SYTL2: variants seen among roughly 807,000 people sequenced by gnomAD.
SYTL2 encodes synaptotagmin like 2, also known as synaptotagmin-like protein 2.
Under a neutral mutation model 198.7 loss-of-function variants are expected in SYTL2, and 165 were observed. The observed-to-expected ratio is 0.83, with a 90% CI of 0.73 to 0.94. The LOEUF is 0.94. Ranked by LOEUF, SYTL2 falls within the 40% of genes least tolerant of loss-of-function variation. The pLI is 0.00. For synonymous variants in SYTL2, 966 were observed against 917.7 expected (o/e 1.05, Z -0.95); for missense variants, 2,835 against 2,582.8 (o/e 1.10, Z -2.12).
intron 1 of SYTL2, among the ~76,000 whole-genome samples, chr11:85,759,265 G>GA (rs59056936): frequency 1.4e-5 from 2 of 147,106 alleles, no homozygotes; most frequent in Non-Finnish European, 3.0e-5. Flanking sequence ...AAAAAAGAAA[G>GA]AAAAAAAAAT....
chr11:85,788,888 C>G (rs1363518009), intron 1 of SYTL2, among the ~76,000 whole-genome samples: 3 of 151,534 alleles, frequency 2.0e-5, no homozygotes, highest in Non-Finnish European at 4.4e-5. Flanking sequence ...GGTTGCTTTA[C>G]TTCTATCATA....
chr11:85,734,499 T>C lies in SYTL2; in HGVS notation c.830A>G (p.Asn277Ser), dbSNP rs374934907. 8 of 1,614,040 alleles carry C rather than the reference T, an allele frequency of 5.0e-6. No individual in the cohort carries two copies. The East Asian group carries it at 8.9e-5, about 18-fold the overall frequency. ...RGAPRGILKRNSSSSSTDSET... is the reference protein window; with the variant it reads ...RGAPRGILKRSSSSSSTDSET... ...TGAGTCTGTGCTACTGGAACTGGAGTTGCGCTTGAGGATCCCTCTCGGAGC... is the reference window on the plus strand; with the variant it reads ...TGAGTCTGTGCTACTGGAACTGGAGCTGCGCTTGAGGATCCCTCTCGGAGC... The change falls in exon 7 of 20, where the codon AAC becomes AGC. Residue 277 changes from asparagine (N) to serine (S), a missense_variant. Physicochemically the swap from Asn to Ser is conservative, Grantham distance 46 (BLOSUM62 1). Transcript: ENST00000359152.
intron 1 of SYTL2, among the ~76,000 whole-genome samples, chr11:85,802,365 G>A (rs570746441): frequency 1.8e-4 from 28 of 151,450 alleles, no homozygotes; most frequent in African/African-American, 6.3e-4. Flanking sequence ...GGAATTACAG[G>A]TGCCCACCAC....
chr11:85,696,619 C>T (rs1490393039), intron 18 of SYTL2: 1 of 530,794 alleles, frequency 1.9e-6, no homozygotes, highest in Non-Finnish European at 3.4e-6. Context: ...TCTGCTACCT[C>T]CTGGGTATGC....
At chr11:85,762,104 C>T (rs1374130327) in intron 1 of SYTL2, among the ~76,000 whole-genome samples, 1 of 152,170 alleles carries the variant, frequency 6.6e-6, no homozygotes, top group Non-Finnish European at 1.5e-5. Context: ...TTTAATTCTT[C>T]TCTTCACACA....
chr11:85,788,913 C>T (rs1180343125), intron 1 of SYTL2, among the ~76,000 whole-genome samples: 2 of 151,592 alleles, frequency 1.3e-5, no homozygotes, highest in Non-Finnish European at 2.9e-5. Context: ...TCTTGTGTGG[C>T]ACACAGCACA....
chr11:85,805,533 C>T (rs191624384), intron 1 of SYTL2, among the ~76,000 whole-genome samples: 1 of 152,228 alleles, frequency 6.6e-6, no homozygotes, highest in East Asian at 1.9e-4. Context: ...TGCCTGGGAT[C>T]CAGCTAATGC....
In SYTL2 at chr11:85,727,145, C is replaced by A. The variant is rs199940366; in HGVS notation, c.2213G>T (p.Gly738Val). 3 of 1,536,296 alleles carry A rather than the reference C, an allele frequency of 2.0e-6. No homozygotes were observed. The African/African-American group carries it at 4.1e-5, about 21-fold the overall frequency. Reference sequence around the variant, plus strand: ...GGAGGCTTTCAGGATATAGGTATTTCCTACTTTGCTCTTTCTCTCTGCATT... The same window carrying A: ...GGAGGCTTTCAGGATATAGGTATTTACTACTTTGCTCTTTCTCTCTGCATT... Reference protein sequence around the residue: ...NMNAERKSKVGNTYILKASLE... With the variant: ...NMNAERKSKVVNTYILKASLE... The change falls in exon 8 of 20, where the codon GGA (glycine) becomes GTA (valine). Residue 738 changes from glycine (G) to valine (V), a missense_variant. Transcript: ENST00000359152.
rs2089326093 is a variant in SYTL2, at chr11:85,727,441, G to A, written c.1917C>T (p.Thr639=). The A allele has an allele frequency of 5.2e-6, 8 of 1,536,048 alleles. No individual in the cohort carries two copies. The highest frequency in any genetic ancestry group is 5.2e-6 in the Non-Finnish European group (6 of 1,146,884). ...GILQPFESYG[T]PSQGSKNMDY... ...CCATATTTTTACTCCCTTGACTTGG[G>A]GTGCCATAGCTTTCAAATGGTTGCA... Residue 639 remains threonine (T), a synonymous_variant, in exon 8 of 20, where the codon ACC becomes ACT. Transcript: ENST00000359152.
At chr11:85,719,001 A>G (rs886338361) in intron 9 of SYTL2, 158 bp from the exon 10 acceptor site, 5 of 1,529,998 alleles carry the variant, frequency 3.3e-6, no homozygotes, top group Admixed American at 3.9e-5. Flanking sequence ...TTCTCTTTAG[A>G]TTAGCTCCTT....
intron 1 of SYTL2, among the ~76,000 whole-genome samples, chr11:85,764,011 C>T (rs2153565059): frequency 6.6e-6 from 1 of 152,336 alleles, no homozygotes; most frequent in Middle Eastern, 3.4e-3. Flanking sequence ...GATCACACTG[C>T]CAGGGCATCC....
the SYTL2 span, among the ~76,000 whole-genome samples, chr11:85,841,086 T>C: frequency 6.6e-6 from 1 of 151,942 alleles, no homozygotes; most frequent in African/African-American, 2.4e-5. Context: ...GAAAAAAAGC[T>C]CAACATCACT....
intron 4 of SYTL2, among the ~76,000 whole-genome samples, chr11:85,740,456 T>C (rs2090699416): frequency 6.6e-6 from 1 of 152,226 alleles, no homozygotes; most frequent in South Asian, 2.1e-4. Context: ...TACTTTGGAT[T>C]AGGAATTTCC....
At chr11:85,754,044 GA>G (rs1342958713) in intron 2 of SYTL2, among the ~76,000 whole-genome samples, 1 of 152,142 alleles carries the variant, frequency 6.6e-6, no homozygotes, top group Non-Finnish European at 1.5e-5. Context: ...GTATTTAAAA[GA>G]AAAGTCTGAA....
the SYTL2 span, among the ~76,000 whole-genome samples, chr11:85,822,736 A>G: frequency 6.6e-6 from 1 of 152,248 alleles, no homozygotes; most frequent in Non-Finnish European, 1.5e-5. Context: ...GGACAAAGGC[A>G]AGAAGAGGAA....
the SYTL2 span, among the ~76,000 whole-genome samples, chr11:85,827,001 T>C: frequency 6.6e-6 from 1 of 152,188 alleles, no homozygotes; most frequent in African/African-American, 2.4e-5. Flanking sequence ...CCTTAGGAGA[T>C]AATAAGCCGA....
rs1449721019 is a variant in SYTL2, at chr11:85,737,562, G to A, written c.471+13C>T. On this transcript the variant is annotated intron_variant, in intron 5 of 19. Coordinates refer to ENST00000359152, the MANE Select transcript of SYTL2 (RefSeq NM_206927.4). ...AACAAATACAAGATTTTCAAAATCT[G>A]GGCTCAGTCTACCTTCTCTGGAGAC... 2.5e-6 allele frequency: 4 copies of A among 1,602,294 alleles called. No individual in the cohort carries two copies. In the African/African-American group the frequency reaches 5.4e-5, roughly 21 times the overall value.
At chr11:85,741,153 T>C (rs1237188471) in intron 4 of SYTL2, among the ~76,000 whole-genome samples, 1 of 152,108 alleles carries the variant, frequency 6.6e-6, no homozygotes, top group Non-Finnish European at 1.5e-5. Flanking sequence ...GTTGTTTTGA[T>C]CTCTCCCTTT....
rs1290588441 is a variant in SYTL2, at chr11:85,725,813, T to C, written c.3545A>G (p.Glu1182Gly). Reference sequence around the variant, plus strand: ...GATCTTCTCAGGTCCTTTGACTTCTTCCTCAGTATCAGCAAAATCTGTTTT... The same window carrying C: ...GATCTTCTCAGGTCCTTTGACTTCTCCCTCAGTATCAGCAAAATCTGTTTT... ...PQKTDFADTE[E>G]EVKGPEKIIN... is the part of the protein sequence containing the mutation. The change falls in exon 8 of 20, where the codon GAA (glutamate) becomes GGA (glycine). Residue 1182 changes from glutamate to glycine, a missense_variant. By Grantham distance (98) the Glu-to-Gly change is moderately conservative. This residue lies in a region of SYTL2 where 2,645 missense variants were observed against 2,381.7 expected (regional missense o/e 1.11). Coordinates refer to ENST00000359152, the MANE Select transcript of SYTL2 (RefSeq NM_206927.4). 1.2e-6 allele frequency: 2 copies of C among 1,614,028 alleles called. No homozygotes were observed. Among genetic ancestry groups the C allele is most frequent in the Non-Finnish European group, 1.7e-6 (2 of 1,179,980 alleles).
Sources: allele counts gnomAD v4.1 joint callset (sites outside exome capture counted in the v4.1 genomes callset), GRCh38; gene constraint gnomAD v4.1.1; regional missense constraint gnomAD v4.1.1; transcripts MANE v1.5; gene names NCBI Gene and HGNC (gene_info 2026-07-23, HGNC 2026-07-21).